ANKS1B: variants seen among roughly 807,000 people sequenced by gnomAD.
ANKS1B encodes ankyrin repeat and sterile alpha motif domain-containing protein 1B.
In ANKS1B, 36 loss-of-function variants were observed where a neutral mutation model predicts 148.3. The observed-to-expected ratio is 0.24, with a 90% CI of 0.19 to 0.32. ANKS1B has a LOEUF of 0.32. Among genes scored for constraint, ANKS1B ranks in the 10% least tolerant of loss-of-function variants. The probability of loss-of-function intolerance (pLI) is 1.00; values close to 1 mark genes in which losing one functional copy is unlikely to be tolerated. For synonymous variants in ANKS1B, 542 were observed against 560.8 expected, an observed-to-expected ratio of 0.97 and a Z score of 0.47; for missense variants, 1,157 against 1,542.6, an observed-to-expected ratio of 0.75 and a Z score of 4.19.
chr12:99,447,416 G>A (rs530183053), intron 10 of ANKS1B, among the ~76,000 whole-genome samples: 1 of 152,126 alleles, frequency 6.6e-6, no homozygotes, highest in East Asian at 1.9e-4. Flanking sequence ...TTTAAGGCCA[G>A]TCTGGGAAAC....
chr12:99,837,207 G>T (rs732718), intron 1 of ANKS1B, among the ~76,000 whole-genome samples: 42,185 of 151,962 alleles, frequency 0.28, 6,369 homozygotes, highest in Non-Finnish European at 0.35. Context: ...GCCTCTAGTA[G>T]CTGGAAAAGG....
intron 17 of ANKS1B, among the ~76,000 whole-genome samples, chr12:98,857,052 T>TAA (rs140863511): frequency 9.3e-6 from 1 of 107,530 alleles, no homozygotes; most frequent in African/African-American, 3.0e-5. Context: ...CAATGATTCC[T>TAA]GACATAACCC....
chr12:99,563,916 T>G (rs537619401), intron 9 of ANKS1B, among the ~76,000 whole-genome samples: 1 of 152,192 alleles, frequency 6.6e-6, no homozygotes, highest in Non-Finnish European at 1.5e-5. Flanking sequence ...AGCCAAATAA[T>G]GTACTTACCC....
At chr12:99,885,573 G>A (rs1449025672) in intron 1 of ANKS1B, among the ~76,000 whole-genome samples, 1 of 152,062 alleles carries the variant, frequency 6.6e-6, no homozygotes, top group African/African-American at 2.4e-5. Flanking sequence ...AAAGTGCTGG[G>A]ATTACAGGCT....
At position 99,711,981 on chromosome 12, in the gene ANKS1B, T is replaced by A. The variant is rs548125933; in HGVS notation, c.1129-56771A>T. Reference sequence around the variant, plus strand: ...AATGATAGACTGGATAAAGAAAATATGCTACCTATACACCATGGAATACTA... The same window carrying A: ...AATGATAGACTGGATAAAGAAAATAAGCTACCTATACACCATGGAATACTA... On this transcript the variant is annotated intron_variant, in intron 8 of 26. Coordinates refer to ENST00000683438, the MANE Select transcript of ANKS1B (RefSeq NM_001352186.2). 3.3e-5 allele frequency among the ~76,000 whole-genome samples: 5 copies of A among 152,258 alleles called. No homozygotes were observed. In the East Asian group the frequency reaches 9.7e-4, roughly 29 times the overall value.
At chr12:99,081,545 T>C (rs1290161755) in intron 16 of ANKS1B, among the ~76,000 whole-genome samples, 1 of 152,196 alleles carries the variant, frequency 6.6e-6, no homozygotes, top group Non-Finnish European at 1.5e-5. Flanking sequence ...CATCAATTTG[T>C]GGCATTACAA....
At chr12:99,060,351 G>A (rs1271944232) in intron 16 of ANKS1B, among the ~76,000 whole-genome samples, 3 of 152,138 alleles carry the variant, frequency 2.0e-5, no homozygotes, top group East Asian at 3.9e-4. Flanking sequence ...AGTACTCTGT[G>A]GAGTTCTGGG....
intron 9 of ANKS1B, among the ~76,000 whole-genome samples, chr12:99,560,312 C>A (rs750490275): frequency 1.6e-4 from 25 of 151,928 alleles, no homozygotes; most frequent in Non-Finnish European, 2.1e-4. Context: ...CCACACGTTA[C>A]CTCAATAGAT....
intron 1 of ANKS1B, among the ~76,000 whole-genome samples, chr12:99,968,626 T>C (rs1177865458): frequency 6.6e-6 from 1 of 152,160 alleles, no homozygotes; most frequent in Non-Finnish European, 1.5e-5. Flanking sequence ...CTTCTTTGTG[T>C]GAAAGGAATG....
At chr12:99,228,223 A>G (rs1164031230) in intron 14 of ANKS1B, among the ~76,000 whole-genome samples, 4 of 152,142 alleles carry the variant, frequency 2.6e-5, no homozygotes, top group East Asian at 3.9e-4. Context: ...AGGAGTAGCA[A>G]TCAGATCTCT....
chr12:98,919,882 A>G (rs2152899951), intron 17 of ANKS1B, among the ~76,000 whole-genome samples: 1 of 152,252 alleles, frequency 6.6e-6, no homozygotes, highest in East Asian at 1.9e-4. Context: ...AGGCAGGGGG[A>G]TACTCTCAAG....
At chr12:99,489,189 C>T (rs962776508) in intron 10 of ANKS1B, among the ~76,000 whole-genome samples, 14 of 145,774 alleles carry the variant, frequency 9.6e-5, no homozygotes, top group Admixed American at 5.7e-4. Context: ...TGGCAGTGAG[C>T]GGAGATGACG....
intron 12 of ANKS1B, among the ~76,000 whole-genome samples, chr12:99,258,352 T>G (rs1461309902): frequency 1.3e-5 from 2 of 152,020 alleles, no homozygotes; most frequent in African/African-American, 2.4e-5. Flanking sequence ...CTAAAAAGTA[T>G]ATTTATAAAG....
chr12:99,646,949 G>C (rs563385069), intron 9 of ANKS1B, among the ~76,000 whole-genome samples: 2 of 150,048 alleles, frequency 1.3e-5, no homozygotes, highest in Non-Finnish European at 3.0e-5. Flanking sequence ...ACAGTTTGAG[G>C]GTGAGTCAAA....
At chr12:99,211,700 A>G (rs1237026711) in intron 14 of ANKS1B, among the ~76,000 whole-genome samples, 1 of 152,226 alleles carries the variant, frequency 6.6e-6, no homozygotes, top group Non-Finnish European at 1.5e-5. Flanking sequence ...AAACACAAGA[A>G]TGATGTTGAA....
chr12:99,590,250 ACACCCACC>A (rs372718235), intron 9 of ANKS1B, among the ~76,000 whole-genome samples: 2 of 143,938 alleles, frequency 1.4e-5, no homozygotes, highest in South Asian at 4.5e-4. Flanking sequence ...ACTCACACCC[ACACCCACC>A]CACACACACA....
chr12:98,964,700 G>A (rs2099876328), intron 17 of ANKS1B, among the ~76,000 whole-genome samples: 1 of 152,102 alleles, frequency 6.6e-6, no homozygotes, highest in Admixed American at 6.5e-5. Context: ...AAATAAACCA[G>A]GCACAAAAAG....
At position 98,745,843 on chromosome 12, in the gene ANKS1B, C is replaced by T; in HGVS notation, c.3754G>A (p.Asp1252Asn). The part of the protein sequence containing the change: ...RVSIRKSVQI[D>N]PSEQKTLANL... ...GCCAGAGTCTTTTGCTCAGATGGGT[C>T]GATCTGCTTTAAAACAGAAAGGCTG... Residue 1252 changes from aspartate (D) to asparagine (N), a missense_variant, in exon 27 of 27, where the codon GAC becomes AAC. Around this residue, in one of 6 missense-constraint regions of ANKS1B, gnomAD observed 46 missense variants for 62.0 expected, o/e 0.74. Coordinates refer to ENST00000683438, the MANE Select transcript of ANKS1B (RefSeq NM_001352186.2). 1 of 1,612,734 alleles carries T rather than the reference C, an allele frequency of 6.2e-7. No homozygotes were observed. The highest frequency in any genetic ancestry group is 8.5e-7 in the Non-Finnish European group (1 of 1,179,336).
chr12:99,934,813 G>A (rs1009025897), intron 1 of ANKS1B, among the ~76,000 whole-genome samples: 3 of 152,252 alleles, frequency 2.0e-5, no homozygotes, highest in African/African-American at 7.2e-5. Flanking sequence ...ACAATGAAGA[G>A]AGGATAAACA....
Sources: allele counts gnomAD v4.1 joint callset (sites outside exome capture counted in the v4.1 genomes callset), GRCh38; gene constraint gnomAD v4.1.1; regional missense constraint gnomAD v4.1.1; transcripts MANE v1.5; gene names NCBI Gene and HGNC (gene_info 2026-07-23, HGNC 2026-07-21).